RASSF8: variants seen among roughly 807,000 people sequenced by gnomAD.
RASSF8 encodes the protein ras association domain-containing protein 8.
Under a neutral mutation model 48.5 loss-of-function variants are expected in RASSF8, and 22 were observed. The observed-to-expected ratio is 0.45, with a 90% confidence interval of 0.32 to 0.65. The LOEUF is 0.65. RASSF8 is among the 30% of genes least tolerant of loss of function. The pLI is 0.03. For synonymous variants in RASSF8, 127 were observed against 171.5 expected, an observed-to-expected ratio of 0.74 and a Z score of 2.03; for missense variants, 418 against 489.2, an observed-to-expected ratio of 0.85 and a Z score of 1.37.
chr12:25,963,083 G>A (rs1481998945), intron 1 of RASSF8, among the ~76,000 whole-genome samples: 1 of 152,114 alleles, frequency 6.6e-6, no homozygotes, highest in Admixed American at 6.5e-5. Context: ...GTCAGCTGCT[G>A]TCGGCTGGTG....
At chr12:26,054,328 A>G (rs188950970) in intron 2 of RASSF8, among the ~76,000 whole-genome samples, 1 of 152,338 alleles carries the variant, frequency 6.6e-6, no homozygotes, top group Non-Finnish European at 1.5e-5. Flanking sequence ...TGGTTTGACT[A>G]TATGACAAAG....
chr12:26,037,380 C>T (rs12425863), intron 2 of RASSF8, among the ~76,000 whole-genome samples: 18,738 of 152,110 alleles, frequency 0.12, 1,531 homozygotes, highest in Admixed American at 0.2. Context: ...AAAAAGTAAA[C>T]GCTATACAAA....
In RASSF8 at chr12:26,006,123, TACTCATATTGTAGGAA is replaced by T. The variant is rs1942384666; in HGVS notation, c.-109+10994_-109+11009del. On this transcript the variant is annotated intron_variant, in intron 2 of 5. Transcript: ENST00000689635. ...AAAGACCCAGGAGTTAGAAAAAAGA[TACTCATATTGTAGGAA>T]GGGCAGCCTTGATTTCTTCCTGGTC... is the stretch of plus-strand genomic sequence containing the variant. 2.0e-5 allele frequency among the ~76,000 whole-genome samples: 3 copies of T among 152,168 alleles called. No homozygotes were observed. In the South Asian group the frequency reaches 6.2e-4, roughly 32 times the overall value.
intron 2 of RASSF8, among the ~76,000 whole-genome samples, chr12:26,018,644 T>C (rs1942711690): frequency 6.6e-6 from 1 of 152,070 alleles, no homozygotes; most frequent in Non-Finnish European, 1.5e-5. Context: ...GGTGACCCTA[T>C]GTTGTTCTTG....
intron 2 of RASSF8, among the ~76,000 whole-genome samples, chr12:26,024,475 A>G (rs1032721828): frequency 7.2e-5 from 11 of 152,366 alleles, no homozygotes; most frequent in African/African-American, 2.6e-4. Context: ...CTGCGAGGCC[A>G]GAATTACCCT....
At chr12:26,063,274 A>T (rs1943786755) in intron 3 of RASSF8, among the ~76,000 whole-genome samples, 1 of 152,250 alleles carries the variant, frequency 6.6e-6, no homozygotes, top group South Asian at 2.1e-4. Context: ...AAATGAAAAT[A>T]TTTAAAAAGC....
intron 2 of RASSF8, among the ~76,000 whole-genome samples, chr12:25,996,025 T>G (rs1233212469): frequency 6.6e-6 from 1 of 152,158 alleles, no homozygotes; most frequent in Non-Finnish European, 1.5e-5. Context: ...AATTGCTAGA[T>G]TATATGGAGA....
intron 1 of RASSF8, among the ~76,000 whole-genome samples, chr12:25,986,220 A>G (rs1335866600): frequency 1.3e-5 from 2 of 152,158 alleles, no homozygotes; most frequent in Non-Finnish European, 2.9e-5. Flanking sequence ...ATTTACATTA[A>G]TTAGATCTTC....
At chr12:25,986,679 A>G (rs1471337832) in intron 1 of RASSF8, among the ~76,000 whole-genome samples, 1 of 152,100 alleles carries the variant, frequency 6.6e-6, no homozygotes, top group Non-Finnish European at 1.5e-5. Context: ...CTAGACATTC[A>G]TTGACTCCTT....
chr12:25,975,692 T>C (rs1941588388), intron 1 of RASSF8, among the ~76,000 whole-genome samples: 1 of 152,238 alleles, frequency 6.6e-6, no homozygotes, highest in Admixed American at 6.5e-5. Context: ...TAAGAAGACT[T>C]ATTTTAGAAA....
At chr12:26,011,422 G>C (rs1159706890) in intron 2 of RASSF8, among the ~76,000 whole-genome samples, 2 of 152,108 alleles carry the variant, frequency 1.3e-5, no homozygotes, top group Admixed American at 1.3e-4. Context: ...TTTTGAGAGT[G>C]GTAGATGACT....
intron 2 of RASSF8, among the ~76,000 whole-genome samples, chr12:26,005,125 A>G (rs193185296): frequency 1.6e-3 from 241 of 152,208 alleles, no homozygotes; most frequent in African/African-American, 5.7e-3. Context: ...ATGTGTACAT[A>G]TAACGTGTAT....
At chr12:26,056,200 A>C (rs1289419851) in intron 3 of RASSF8, among the ~76,000 whole-genome samples, 3 of 152,138 alleles carry the variant, frequency 2.0e-5, no homozygotes, top group Non-Finnish European at 4.4e-5. Context: ...AAAATAAAAT[A>C]AAATCTTATT....
At position 25,968,232 on chromosome 12, in the gene RASSF8, C is replaced by T. The variant is rs895247599; in HGVS notation, c.-203+9084C>T. Reference sequence around the variant, plus strand: ...GCCTAAACCAGTGGAAACTTTTCAGCCCTAATATAACTGAAGTTGTTTGCA... The same window carrying T: ...GCCTAAACCAGTGGAAACTTTTCAGTCCTAATATAACTGAAGTTGTTTGCA... On this transcript the variant is annotated intron_variant, in intron 1 of 5. Coordinates refer to ENST00000689635, the MANE Select transcript of RASSF8 (RefSeq NM_001394098.1). Among the ~76,000 whole-genome samples, 14 of 152,342 alleles carry T rather than the reference C, an allele frequency of 9.2e-5. No individual in the cohort carries two copies. In the South Asian group the frequency reaches 2.9e-3, roughly 32 times the overall value.
In RASSF8 at chr12:25,958,795, C is replaced by T. The variant is rs1317536960; in HGVS notation, c.-556C>T. On this transcript the variant is annotated 5_prime_UTR_variant, in exon 1 of 6. Coordinates refer to ENST00000689635, the MANE Select transcript of RASSF8 (RefSeq NM_001394098.1). ...GCCCCGCTCAGCGTCTGCCGCCCAG[C>T]TCCTCGCCCAGCCTCGCCGAGCCTC... 3.4e-5 allele frequency: 5 copies of T among 147,436 alleles called. No individual in the cohort carries two copies. Among genetic ancestry groups the T allele is most frequent in the Admixed American group, 1.4e-4 (2 of 14,812 alleles). 9.1% of individuals were successfully genotyped at this position (147,436 alleles called of 1,614,324 possible). A position where few individuals can be genotyped will look rare whatever the true frequency, so the allele number is the denominator to read the frequency against.
chr12:26,002,446 CA>C (rs575846367), intron 2 of RASSF8, among the ~76,000 whole-genome samples: 1 of 148,150 alleles, frequency 6.7e-6, no homozygotes, highest in Non-Finnish European at 1.5e-5. Context: ...AACAAACAAA[CA>C]AAAAAAAACA....
chr12:26,046,609 G>A (rs1334295678), intron 2 of RASSF8, among the ~76,000 whole-genome samples: 1 of 151,476 alleles, frequency 6.6e-6, no homozygotes, highest in Non-Finnish European at 1.5e-5. Context: ...GATCGAGGTA[G>A]GAGAATCACT....
intron 3 of RASSF8, among the ~76,000 whole-genome samples, chr12:26,058,551 C>CAA (rs1943667705): frequency 6.6e-6 from 1 of 152,138 alleles, no homozygotes; most frequent in Admixed American, 6.6e-5. Flanking sequence ...CACACACACA[C>CAA]ACACACACAC....
intron 5 of RASSF8, among the ~76,000 whole-genome samples, 180 bp from the exon 6 acceptor site, chr12:26,068,517 G>C (rs1943931218): frequency 6.6e-6 from 1 of 152,164 alleles, no homozygotes; most frequent in South Asian, 2.1e-4. Flanking sequence ...ACAAAAACTA[G>C]TTTATCAAAG....
Sources: gnomAD v4.1 joint callset for allele counts (sites outside exome capture counted in the v4.1 genomes callset) on GRCh38, gnomAD v4.1.1 for gene constraint, MANE v1.5 for transcripts, NCBI Gene and HGNC (gene_info 2026-07-23, HGNC 2026-07-21) for gene names.